ZNF195: variants seen among roughly 807,000 people sequenced by gnomAD.
ZNF195 encodes hypoxia-regulated factor-1.
ZNF195 carries 11 observed loss-of-function variants against 19.5 expected under a neutral mutation model. The observed-to-expected ratio is 0.57, with a 90% confidence interval of 0.36 to 0.94. The LOEUF is 0.94. Ranked by LOEUF, ZNF195 falls within the 40% of genes least tolerant of loss-of-function variation. The probability of loss-of-function intolerance (pLI) is 0.01; values close to 1 mark genes in which losing one functional copy is unlikely to be tolerated. For synonymous variants in ZNF195, 214 were observed against 248.1 expected, an observed-to-expected ratio of 0.86 and a Z score of 1.29; for missense variants, 582 against 709.0, an observed-to-expected ratio of 0.82 and a Z score of 2.03.
At chr11:3,376,253 C>G (rs1231651466) in intron 1 of ZNF195, among the ~76,000 whole-genome samples, 2 of 151,878 alleles carry the variant, frequency 1.3e-5, no homozygotes, top group Admixed American at 1.3e-4. Context: ...TTGGGAAGCA[C>G]TAGCTAGGCC....
intron 1 of ZNF195, chr11:3,375,653 T>G (rs1204691222): frequency 6.6e-6 from 1 of 152,244 alleles, no homozygotes; most frequent in Non-Finnish European, 1.5e-5. Context: ...CTTCTCTGTT[T>G]TCCTAATGGC....
chr11:3,369,238 T>C, intron 3 of ZNF195: 1 of 227,970 alleles, frequency 4.4e-6, no homozygotes, highest in Non-Finnish European at 9.0e-6. Flanking sequence ...CTACTAACAA[T>C]GTTGATAAGG....
Position 3,378,733 on chromosome 11 carries a change from C to T in ZNF195, c.3+305G>A, listed in dbSNP as rs887134167. Among the ~76,000 whole-genome samples, 3 of 152,254 alleles carry T rather than the reference C, an allele frequency of 2.0e-5. No individual in the cohort carries two copies. The South Asian group carries it at 6.2e-4, about 31-fold the overall frequency. ...GAGAAAGGAGGGACTGGGGCCCCCA[C>T]GGGCTACAGATCATCCTCTTATGCA... is the stretch of plus-strand genomic sequence containing the variant. On this transcript the variant is annotated intron_variant, in intron 1 of 5. Transcript: ENST00000399602.
At chr11:3,364,728 G>T (rs1589806039) in intron 3 of ZNF195, among the ~76,000 whole-genome samples, 1 of 152,230 alleles carries the variant, frequency 6.6e-6, no homozygotes, top group Non-Finnish European at 1.5e-5. Context: ...CAAAACAAAC[G>T]ATGAAGACAG....
intron 1 of ZNF195, among the ~76,000 whole-genome samples, chr11:3,377,157 AG>A (rs1849507059): frequency 6.6e-6 from 1 of 152,222 alleles, no homozygotes; most frequent in African/African-American, 2.4e-5. Flanking sequence ...TTACCTTTCA[AG>A]CTCTACTGAT....
Position 3,371,693 on chromosome 11 carries a change from G to A in ZNF195, c.14C>T (p.Thr5Met), listed in dbSNP as rs763951962. 11 of 1,600,624 alleles carry A rather than the reference G, an allele frequency of 6.9e-6. No individual in the cohort carries two copies. Among genetic ancestry groups the A allele is most frequent in the African/African-American group, 2.7e-5 (2 of 74,150 alleles). The stretch of plus-strand genomic sequence containing the variant: ...GAATTCTATGGCCACATCCCTGAAC[G>A]TCAACAGAGTCTGAAGAAGAAACAA... Reference protein sequence around the residue: MTLLTFRDVAIEFSL... With the variant: MTLLMFRDVAIEFSL... The change falls in exon 2 of 6, where the codon ACG becomes ATG. Residue 5 changes from threonine to methionine, a missense_variant. Physicochemically the swap from Thr to Met is moderately conservative, Grantham distance 81. Coordinates refer to ENST00000399602, the MANE Select transcript of ZNF195 (RefSeq NM_001130520.3).
rs1467010217 is a variant in ZNF195, at chr11:3,379,096, G to GA, written c.-57_-56insT. On this transcript the variant is annotated 5_prime_UTR_variant, in exon 1 of 6. Coordinates refer to ENST00000399602, the MANE Select transcript of ZNF195 (RefSeq NM_001130520.3). Reference sequence around the variant, plus strand: ...CTTCTGGATCTCCCGGTGCCTGCGGGTCACACGACCTACGGCTAGCAGGGG... The same window carrying GA: ...CTTCTGGATCTCCCGGTGCCTGCGGGATCACACGACCTACGGCTAGCAGGGG... The GA allele has an allele frequency of 6.8e-7, 1 of 1,477,158 alleles. No individual in the cohort carries two copies. Among genetic ancestry groups the GA allele is most frequent in the Admixed American group, 2.3e-5 (1 of 44,192 alleles). 91.5% of individuals were successfully genotyped at this position (1,477,158 alleles called of 1,614,324 possible). A position where few individuals can be genotyped will look rare whatever the true frequency, so the allele number is the denominator to read the frequency against.
chr11:3,362,745 G>T, intron 3 of ZNF195: 3 of 340,992 alleles, frequency 8.8e-6, no homozygotes, highest in East Asian at 8.1e-5. Context: ...TTTCATTTCA[G>T]TAAATTGCTT....
intron 3 of ZNF195, chr11:3,368,757 GA>G: frequency 6.7e-6 from 3 of 446,854 alleles, no homozygotes; most frequent in South Asian, 4.8e-5. Flanking sequence ...ACAGAACAGA[GA>G]GCCCAGAATT....
chr11:3,367,146 A>T, intron 3 of ZNF195: 3 of 315,068 alleles, frequency 9.5e-6, no homozygotes, highest in Non-Finnish European at 1.9e-5. Context: ...CTAGATCTAT[A>T]TCAAAAGTAT....
At chr11:3,371,238 G>C in intron 2 of ZNF195, 168 bp from the exon 3 acceptor site, 1 of 720,406 alleles carries the variant, frequency 1.4e-6, no homozygotes, top group Non-Finnish European at 2.2e-6. Flanking sequence ...TAAATCTGTG[G>C]GTTCTTAGTT....
chr11:3,373,504 G>A (rs1849313449), intron 1 of ZNF195: 2 of 1,228,258 alleles, frequency 1.6e-6, no homozygotes, highest in African/African-American at 3.0e-5. Context: ...GAGAAGTAAA[G>A]GTTTCCAAAT....
At chr11:3,362,488 T>C in intron 3 of ZNF195, 1 of 431,122 alleles carries the variant, frequency 2.3e-6, no homozygotes, top group South Asian at 5.0e-5. Flanking sequence ...GAGGGCAGAT[T>C]TAATAAGAAA....
At chr11:3,369,951 G>A (rs758221713) in intron 3 of ZNF195, among the ~76,000 whole-genome samples, 5 of 152,084 alleles carry the variant, frequency 3.3e-5, no homozygotes, top group Non-Finnish European at 5.9e-5. Context: ...ATTTCACAAC[G>A]TATACACATA....
intron 3 of ZNF195, among the ~76,000 whole-genome samples, chr11:3,364,564 G>A (rs1237774903): frequency 1.3e-5 from 2 of 152,096 alleles, no homozygotes; most frequent in African/African-American, 2.4e-5. Context: ...TACAGTTTTT[G>A]TATTCAATGA....
At chr11:3,362,449 A>G (rs1848679129) in intron 3 of ZNF195, 1 of 379,358 alleles carries the variant, frequency 2.6e-6, no homozygotes, top group Non-Finnish European at 4.8e-6. Context: ...TACAACATTA[A>G]ATGATTTAGG....
Position 3,360,518 on chromosome 11 carries a change from G to T in ZNF195, c.490C>A (p.Gln164Lys), listed in dbSNP as rs1042404408. The change falls in exon 6 of 6, where the codon CAA becomes AAA. Residue 164 changes from glutamine to lysine, a missense_variant. Physicochemically the swap from Gln to Lys is moderately conservative, Grantham distance 53. Transcript: ENST00000399602. ...AGTATTCTTTTTGGGAATGCATCTT[G>T]TATGCCCTGCTCTGGCAGAAGGTCT... ...TQDLLPEQGI[Q>K]DAFPKRILRG... 1 of 1,599,518 alleles carries T rather than the reference G, an allele frequency of 6.3e-7. No individual in the cohort carries two copies. Among genetic ancestry groups the T allele is most frequent in the Non-Finnish European group, 8.5e-7 (1 of 1,177,062 alleles).
chr11:3,375,294 G>A (rs186203924), intron 1 of ZNF195, among the ~76,000 whole-genome samples: 2 of 152,252 alleles, frequency 1.3e-5, no homozygotes, highest in East Asian at 3.9e-4. Context: ...CCCAGGGTTT[G>A]TATAATTTTA....
In ZNF195 at chr11:3,371,020, C is replaced by T; in HGVS notation, c.181G>A (p.Glu61Lys). The change falls in exon 3 of 6, where the codon GAG (glutamate) becomes AAG (lysine). Residue 61 changes from glutamate to lysine, a missense_variant. Around this residue, in one of 3 missense-constraint regions of ZNF195, gnomAD observed 129 missense variants for 112.1 expected, o/e 1.15. Coordinates refer to ENST00000399602, the MANE Select transcript of ZNF195 (RefSeq NM_001130520.3). ...TCCTGTCTCTTCACATTCCAGGGCTCTTTTCGTTGCTCCAGGCAGGTGATC... is the reference window on the plus strand; with the variant it reads ...TCCTGTCTCTTCACATTCCAGGGCTTTTTTCGTTGCTCCAGGCAGGTGATC... ...GLITCLEQRK[E>K]PWNVKRQEAA... 6.2e-7 allele frequency: 1 copy of T among 1,614,132 alleles called. No individual in the cohort carries two copies. The highest frequency in any genetic ancestry group is 8.5e-7 in the Non-Finnish European group (1 of 1,179,990).
Sources: gnomAD v4.1 joint callset for allele counts (sites outside exome capture counted in the v4.1 genomes callset) on GRCh38, gnomAD v4.1.1 for gene constraint, gnomAD v4.1.1 regional missense constraint, MANE v1.5 for transcripts, NCBI Gene and HGNC (gene_info 2026-07-23, HGNC 2026-07-21) for gene names.